ITK: variants seen among roughly 807,000 people sequenced by gnomAD.
ITK encodes tyrosine-protein kinase ITK/TSK.
Under a neutral mutation model 87.6 loss-of-function variants are expected in ITK, and 45 were observed. The ratio of observed to expected loss-of-function variants is 0.51; its 90% CI spans 0.40 to 0.66. ITK has a LOEUF of 0.66. Ranked by LOEUF, ITK falls within the 30% of genes least tolerant of loss-of-function variation. The pLI, the probability that ITK is intolerant of heterozygous loss-of-function variation, is 0.00. For synonymous variants in ITK, 303 were observed against 273.6 expected (o/e 1.11, Z -1.06); for missense variants, 605 against 766.3 (o/e 0.79, Z 2.48).
intron 5 of ITK, among the ~76,000 whole-genome samples, chr5:157,219,561 G>T (rs559708664): frequency 6.6e-6 from 1 of 152,000 alleles, no homozygotes; most frequent in Non-Finnish European, 1.5e-5. Flanking sequence ...AACTGGCAGC[G>T]TCCCCATAAA....
intron 2 of ITK, among the ~76,000 whole-genome samples, chr5:157,209,405 G>A (rs1209651950): frequency 1.3e-5 from 2 of 151,620 alleles, no homozygotes; most frequent in East Asian, 1.9e-4. Context: ...CTGCTCCAAG[G>A]TTAGGACTTA....
chr5:157,213,702 GTATT>G (rs1431465330), intron 3 of ITK: 19 of 357,164 alleles, frequency 5.3e-5, no homozygotes, highest in Non-Finnish European at 9.8e-5. Flanking sequence ...CCTTATGTAT[GTATT>G]TGTTTCAGTA....
rs182784137 is a variant in ITK at position 157,243,113 on chromosome 5, G to A, written c.1061-510G>A. ...TGAGGAAATTGAGCCTCGGAATCTC[G>A]TATTTGTTTGTTAAACATTTCTTGA... On this transcript the variant is annotated intron_variant, in intron 11 of 16. Coordinates refer to ENST00000422843, the MANE Select transcript of ITK (RefSeq NM_005546.4). Among the ~76,000 whole-genome samples, 8 of 152,310 alleles carry A rather than the reference G, an allele frequency of 5.3e-5. No homozygotes were observed. In the East Asian group the frequency reaches 9.7e-4, roughly 18 times the overall value.
chr5:157,249,039 T>C, intron 16 of ITK, 32 bp downstream of exon 16: 1 of 1,603,122 alleles, frequency 6.2e-7, no homozygotes, highest in Non-Finnish European at 8.5e-7. Context: ...CCATGCATTG[T>C]CGTATACAAT....
chr5:157,214,510 C>T (rs1405556684), intron 4 of ITK, among the ~76,000 whole-genome samples, 191 bp downstream of exon 4: 1 of 152,132 alleles, frequency 6.6e-6, no homozygotes, highest in South Asian at 2.1e-4. Context: ...GTCTACAGCT[C>T]CTAACCACTT....
chr5:157,182,824 A>G (rs1431295249), intron 1 of ITK, among the ~76,000 whole-genome samples: 1 of 152,204 alleles, frequency 6.6e-6, no homozygotes, highest in African/African-American at 2.4e-5. Context: ...CCCAACTGCT[A>G]TTTGTGAACT....
At chr5:157,229,502 A>T (rs1754605899) in intron 7 of ITK, among the ~76,000 whole-genome samples, 1 of 152,244 alleles carries the variant, frequency 6.6e-6, no homozygotes, top group Non-Finnish European at 1.5e-5. Flanking sequence ...ATTCATAAGG[A>T]TATATTAGAC....
In ITK at chr5:157,187,069, C is replaced by T. The variant is rs191246396; in HGVS notation, c.138+5954C>T. 2.0e-4 allele frequency among the ~76,000 whole-genome samples: 31 copies of T among 152,354 alleles called. No individual in the cohort carries two copies. The East Asian group carries it at 6.0e-3, about 29-fold the overall frequency. ...CTGGAATCCAACCACACCAGGTTTTCTTCAACGTTAAAGCCTCCGTTTTAA... is the reference window on the plus strand; with the variant it reads ...CTGGAATCCAACCACACCAGGTTTTTTTCAACGTTAAAGCCTCCGTTTTAA... On this transcript the variant is annotated intron_variant, in intron 1 of 16. Coordinates refer to ENST00000422843, the MANE Select transcript of ITK (RefSeq NM_005546.4).
intron 10 of ITK, 109 bp downstream of exon 10, chr5:157,240,304 T>A: frequency 9.3e-7 from 1 of 1,069,524 alleles, no homozygotes; most frequent in South Asian, 1.3e-5. Flanking sequence ...CGTCATTAGA[T>A]TCTCATAAGA....
At chr5:157,248,784 C>G in intron 15 of ITK, 66 bp from the exon 16 acceptor site, 3 of 1,565,658 alleles carry the variant, frequency 1.9e-6, no homozygotes, top group South Asian at 1.1e-5. Context: ...TTTCTAGAGG[C>G]AGGTTGGTTT....
intron 1 of ITK, among the ~76,000 whole-genome samples, chr5:157,187,987 G>A (rs1202344322): frequency 6.6e-6 from 1 of 151,946 alleles, no homozygotes; most frequent in Non-Finnish European, 1.5e-5. Flanking sequence ...AATTTATAGA[G>A]ACAGGGTCTC....
At chr5:157,223,685 T>C (rs1459554398) in intron 6 of ITK, among the ~76,000 whole-genome samples, 1 of 152,114 alleles carries the variant, frequency 6.6e-6, no homozygotes, top group South Asian at 2.1e-4. Context: ...AGAATCTGAG[T>C]TCAATAGTTG....
intron 1 of ITK, among the ~76,000 whole-genome samples, chr5:157,202,406 G>A (rs772143449): frequency 2.6e-5 from 4 of 152,188 alleles, no homozygotes; most frequent in Non-Finnish European, 4.4e-5. Context: ...TAGAGATGGG[G>A]TTTCACCATG....
chr5:157,242,305 C>T (rs1186137471), intron 11 of ITK, among the ~76,000 whole-genome samples: 1 of 152,158 alleles, frequency 6.6e-6, no homozygotes, highest in African/African-American at 2.4e-5. Flanking sequence ...CCCTTGGTCC[C>T]AACTGTGTGC....
intron 5 of ITK, among the ~76,000 whole-genome samples, chr5:157,219,748 C>G (rs543845464): frequency 6.6e-6 from 1 of 152,184 alleles, no homozygotes; most frequent in Non-Finnish European, 1.5e-5. Context: ...GGTTCGGAAC[C>G]CTACTGCCCT....
intron 8 of ITK, among the ~76,000 whole-genome samples, chr5:157,233,051 G>A (rs1754691237): frequency 6.6e-6 from 1 of 152,216 alleles, no homozygotes; most frequent in Non-Finnish European, 1.5e-5. Context: ...CAAGATTAAG[G>A]GCGAAAGGGA....
intron 7 of ITK, among the ~76,000 whole-genome samples, chr5:157,231,576 A>G (rs1341851335): frequency 6.6e-6 from 1 of 152,068 alleles, no homozygotes; most frequent in African/African-American, 2.4e-5. Flanking sequence ...TTCCTTCCCT[A>G]CCCAGAACTT....
At chr5:157,221,789 C>T (rs980909776) in intron 5 of ITK, among the ~76,000 whole-genome samples, 1 of 152,110 alleles carries the variant, frequency 6.6e-6, no homozygotes, top group African/African-American at 2.4e-5. Flanking sequence ...AAGCCTCAGG[C>T]CATCCACTCT....
chr5:157,241,633 T>C lies in ITK; in HGVS notation c.986-13T>C. On this transcript the variant is annotated splice_polypyrimidine_tract_variant and intron_variant, in intron 10 of 16. Coordinates refer to ENST00000422843, the MANE Select transcript of ITK (RefSeq NM_005546.4). ...GCCCTAACCACTGCTTCTTGGCTTT[T>C]CAATCAACCCAGGCCTGGTGACTCG... 1 of 1,611,116 alleles carries C rather than the reference T, an allele frequency of 6.2e-7. No individual in the cohort carries two copies. Among genetic ancestry groups the C allele is most frequent in the African/African-American group, 1.3e-5 (1 of 75,004 alleles).
Sources: gnomAD v4.1 joint callset for allele counts (sites outside exome capture counted in the v4.1 genomes callset) on GRCh38, gnomAD v4.1.1 for gene constraint, MANE v1.5 for transcripts, NCBI Gene and HGNC (gene_info 2026-07-23, HGNC 2026-07-21) for gene names.